The following ATXN10 variants were observed in gnomAD, a reference collection of about 807,000 sequenced individuals.
ATXN10 encodes the protein ataxin-10.
A neutral mutation model predicts 52.9 loss-of-function variants in ATXN10; 28 were observed. The observed-to-expected ratio is 0.53, with a 90% CI of 0.39 to 0.73. The LOEUF (loss-of-function observed/expected upper bound fraction) is 0.73. Ranked by LOEUF, ATXN10 falls within the 30% of genes least tolerant of loss-of-function variation. The pLI is 0.00. For synonymous variants in ATXN10, 226 were observed against 221.5 expected, an observed-to-expected ratio of 1.02 and a Z score of -0.18; for missense variants, 565 against 577.0, an observed-to-expected ratio of 0.98 and a Z score of 0.21.
At chr22:45,745,671 G>GTAATACATTTTTCA (rs1925700140) in intron 9 of ATXN10, among the ~76,000 whole-genome samples, 2 of 152,196 alleles carry the variant, frequency 1.3e-5, no homozygotes, top group Non-Finnish European at 1.5e-5. Context: ...TACATTTTTC[G>GTAATACATTTTTCA]TTAACTTTGT....
At chr22:45,793,780 TA>T in intron 9 of ATXN10, 1 of 1,333,162 alleles carries the variant, frequency 7.5e-7, no homozygotes, top group South Asian at 2.3e-5. Flanking sequence ...GCAGGACAGG[TA>T]AGCCCCCAAA....
rs771824394 is a variant in ATXN10 at position 45,823,345 on chromosome 22, C to G, written c.1237+16323C>G. 47 of 346,876 alleles carry G rather than the reference C, an allele frequency of 1.4e-4. No homozygotes were observed. Among genetic ancestry groups the G allele is most frequent in the Non-Finnish European group, 2.2e-4 (39 of 173,458 alleles). The allele number at this position is 346,876 out of a possible 1,614,324, so 21.5% of individuals were successfully genotyped here. A position where few individuals can be genotyped will look rare whatever the true frequency, so the allele number is the denominator to read the frequency against. On this transcript the variant is annotated intron_variant, in intron 10 of 11. Coordinates refer to ENST00000252934, the MANE Select transcript of ATXN10 (RefSeq NM_013236.4). The surrounding 1 kb of genome is among the most constrained non-coding windows in gnomAD (Gnocchi z 4.9). ...TGAGGTCTGAGGTCATAAAAGTATG[C>G]TAAAGGCTTTACAGTTTTGCCTTCT...
At chr22:45,806,397 G>T (rs1052568334) in intron 9 of ATXN10, among the ~76,000 whole-genome samples, 3 of 151,952 alleles carry the variant, frequency 2.0e-5, no homozygotes, top group African/African-American at 7.3e-5. Flanking sequence ...TATTGTTGGT[G>T]GTGTTTAAAT....
chr22:45,673,441 A>G (rs1335357191), intron 1 of ATXN10: 1 of 152,354 alleles, frequency 6.6e-6, no homozygotes, highest in East Asian at 1.9e-4. Flanking sequence ...AAGGAATGCT[A>G]TTAATAAAAG....
chr22:45,795,354 G>GATTCTATTCTATTCTATTCT lies in ATXN10; in HGVS notation c.1174-11554_1174-11535dup, dbSNP rs60726084. Among the ~76,000 whole-genome samples, 255 of 126,636 alleles carry GATTCTATTCTATTCTATTCT rather than the reference G, an allele frequency of 2.0e-3. 3 individuals are homozygous for GATTCTATTCTATTCTATTCT. The highest frequency in any genetic ancestry group is 0.014 in the East Asian group (58 of 4,030). 83.1% of individuals were successfully genotyped at this position (126,636 alleles called of 152,430 possible). ...ATCCAACTAAAAGACTACTAGAATG[G>GATTCTATTCTATTCTATTCT]ATTCTATTCTATTCTATTCTATTCT... On this transcript the variant is annotated intron_variant, in intron 9 of 11. Coordinates refer to ENST00000252934, the MANE Select transcript of ATXN10 (RefSeq NM_013236.4). The surrounding 1 kb of genome is among the most constrained non-coding windows in gnomAD (Gnocchi z 4.6).
chr22:45,719,552 A>G (rs1264241081), intron 6 of ATXN10, among the ~76,000 whole-genome samples: 2 of 145,010 alleles, frequency 1.4e-5, no homozygotes, highest in African/African-American at 5.2e-5. Flanking sequence ...GCTAAAAATT[A>G]GTATTTTTTT....
chr22:45,776,013 C>G (rs1926942652), intron 9 of ATXN10, among the ~76,000 whole-genome samples: 1 of 152,136 alleles, frequency 6.6e-6, no homozygotes, highest in Non-Finnish European at 1.5e-5. Flanking sequence ...TGGAGGGGGA[C>G]CCAATTCAGG....
chr22:45,817,070 G>A (rs1430915593), intron 10 of ATXN10, among the ~76,000 whole-genome samples: 2 of 152,174 alleles, frequency 1.3e-5, no homozygotes, highest in African/African-American at 4.8e-5. Flanking sequence ...AAAGCAGTGT[G>A]TGTCTGCTTT....
rs1928479990 is a variant in ATXN10 at position 45,816,893 on chromosome 22, T to C, written c.1237+9871T>C. 6.6e-6 allele frequency among the ~76,000 whole-genome samples: 1 copy of C among 152,196 alleles called. No individual in the cohort carries two copies. Among genetic ancestry groups the C allele is most frequent in the African/African-American group, 2.4e-5 (1 of 41,446 alleles). On this transcript the variant is annotated intron_variant, in intron 10 of 11. Coordinates refer to ENST00000252934, the MANE Select transcript of ATXN10 (RefSeq NM_013236.4). The surrounding 1 kb of genome is among the most constrained non-coding windows in gnomAD (Gnocchi z 5.8). Reference sequence around the variant, plus strand: ...GAACATGTTCTGTTCTGTACTCTTCTTGGTGGAGAATCTAGCGTGGTATCA... The same window carrying C: ...GAACATGTTCTGTTCTGTACTCTTCCTGGTGGAGAATCTAGCGTGGTATCA...
intron 9 of ATXN10, among the ~76,000 whole-genome samples, chr22:45,746,539 C>G (rs1411661428): frequency 2.6e-5 from 4 of 152,062 alleles, no homozygotes; most frequent in Admixed American, 2.6e-4. Flanking sequence ...AAATGCTTAA[C>G]TAATATGTGT....
chr22:45,672,310 C>A, intron 1 of ATXN10, 131 bp downstream of exon 1: 1 of 1,038,910 alleles, frequency 9.6e-7, no homozygotes, highest in Non-Finnish European at 1.2e-6. Context: ...GCGCGGGCTG[C>A]CTGAGCGCCA....
intron 9 of ATXN10, among the ~76,000 whole-genome samples, chr22:45,764,183 C>T (rs1456159432): frequency 6.6e-6 from 1 of 152,088 alleles, no homozygotes. Context: ...TTCTCCCTCC[C>T]CCATCGCAGG....
rs996539990 is a variant in ATXN10, at chr22:45,673,225, A to G, written c.116+1046A>G. Reference sequence around the variant, plus strand: ...TAGGTGATGGGGTAGGAAAATGGAAAGTCCTTGCTCTCTCCTGTACTAGTA... The same window carrying G: ...TAGGTGATGGGGTAGGAAAATGGAAGGTCCTTGCTCTCTCCTGTACTAGTA... On this transcript the variant is annotated intron_variant, in intron 1 of 11. Coordinates refer to ENST00000252934, the MANE Select transcript of ATXN10 (RefSeq NM_013236.4). 5 of 152,360 alleles carry G rather than the reference A, an allele frequency of 3.3e-5. 1 individual carries two copies. In the South Asian group the frequency reaches 6.2e-4, roughly 19 times the overall value. 9.4% of individuals were successfully genotyped at this position (152,360 alleles called of 1,614,324 possible).
rs1356453979 is a variant in ATXN10, at chr22:45,805,999, CA to C, written c.1174-953del. Among the ~76,000 whole-genome samples the C allele has an allele frequency of 6.6e-6, 1 of 151,926 alleles. No homozygotes were observed. The highest frequency in any genetic ancestry group is 6.5e-5 in the Admixed American group (1 of 15,268). On this transcript the variant is annotated intron_variant, in intron 9 of 11. Coordinates refer to ENST00000252934, the MANE Select transcript of ATXN10 (RefSeq NM_013236.4). The surrounding 1 kb of genome is among the most constrained non-coding windows in gnomAD (Gnocchi z 4.4). Reference sequence around the variant, plus strand: ...GCAACATAGTGAGACCTCATCTTTACAAAAAAATAAAATAACAAAATAAACT... The same window carrying C: ...GCAACATAGTGAGACCTCATCTTTACAAAAAATAAAATAACAAAATAAACT...
At chr22:45,755,725 A>G (rs762596996) in intron 9 of ATXN10, among the ~76,000 whole-genome samples, 1 of 152,248 alleles carries the variant, frequency 6.6e-6, no homozygotes, top group African/African-American at 2.4e-5. Context: ...AAAATGAATA[A>G]TAATGACCAG....
rs1489352223 is a variant in ATXN10 at position 45,684,621 on chromosome 22, G to A, written c.117-5091G>A. ...GTGGCTGCGTTTGTGCACTGGGGGA[G>A]TTGAGAGTGTGACAGAGGCTGTTTG... On this transcript the variant is annotated intron_variant, in intron 1 of 11. Transcript: ENST00000252934. This position sits in a 1 kb window ranked among gnomAD's most constrained non-coding sequence, Gnocchi z 4.1. Among the ~76,000 whole-genome samples the A allele has an allele frequency of 6.6e-6, 1 of 152,174 alleles. No homozygotes were observed. Among genetic ancestry groups the A allele is most frequent in the Non-Finnish European group, 1.5e-5 (1 of 68,034 alleles).
intron 1 of ATXN10, chr22:45,675,792 A>T (rs985232906): frequency 2.0e-5 from 3 of 152,186 alleles, no homozygotes; most frequent in Non-Finnish European, 4.4e-5. Context: ...CACCAGTCTT[A>T]ATTCTCCATG....
chr22:45,815,904 A>C (rs564190000), intron 10 of ATXN10, among the ~76,000 whole-genome samples: 1 of 152,184 alleles, frequency 6.6e-6, no homozygotes, highest in Non-Finnish European at 1.5e-5. Context: ...GTTGGATACA[A>C]AATCTTTCAT....
At position 45,733,165 on chromosome 22, in the gene ATXN10, C is replaced by T. The variant is rs916800358; in HGVS notation, c.894+3575C>T. The stretch of plus-strand genomic sequence containing the variant: ...AAAGCTCAAAAAACATTCCTTTTAG[C>T]TTTGTATTTTCTGATATCCATATAT... On this transcript the variant is annotated intron_variant, in intron 7 of 11. Coordinates refer to ENST00000252934, the MANE Select transcript of ATXN10 (RefSeq NM_013236.4). This position sits in a 1 kb window ranked among gnomAD's most constrained non-coding sequence, Gnocchi z 4.4. Among the ~76,000 whole-genome samples, 1 of 152,094 alleles carries T rather than the reference C, an allele frequency of 6.6e-6. No homozygotes were observed.
Sources: allele counts gnomAD v4.1 joint callset (sites outside exome capture counted in the v4.1 genomes callset), GRCh38; gene constraint gnomAD v4.1.1; non-coding constraint Gnocchi (gnomAD v3.1); transcripts MANE v1.5; gene names NCBI Gene and HGNC (gene_info 2026-07-23, HGNC 2026-07-21).